Variants in AGBL1 observed in about 807,000 individuals in gnomAD.
The protein encoded by AGBL1 is cytosolic carboxypeptidase 4.
In AGBL1, 130 loss-of-function variants were observed where a neutral mutation model predicts 118.9. The observed-to-expected ratio is 1.09, with a 90% CI of 0.95 to 1.26. The LOEUF (loss-of-function observed/expected upper bound fraction) is 1.26. Among genes scored for constraint, AGBL1 ranks in the 50% most tolerant of loss-of-function variants. The probability of loss-of-function intolerance (pLI) is 0.00; values close to 1 mark genes in which losing one functional copy is unlikely to be tolerated. For synonymous variants in AGBL1, 555 were observed against 478.9 expected (o/e 1.16, Z -2.08); for missense variants, 1,584 against 1,298.1 (o/e 1.22, Z -3.38).
intron 22 of AGBL1, among the ~76,000 whole-genome samples, chr15:86,715,911 TAGTC>T (rs1295005844): frequency 6.6e-6 from 1 of 151,416 alleles, no homozygotes; most frequent in Non-Finnish European, 1.5e-5. Flanking sequence ...TACAAAAAAT[TAGTC>T]AGGCGTGGTG....
At chr15:86,379,249 C>T in intron 17 of AGBL1, among the ~76,000 whole-genome samples, 1 of 136,620 alleles carries the variant, frequency 7.3e-6, no homozygotes, top group Non-Finnish European at 1.6e-5. Context: ...CTCTGACTAC[C>T]TGAAAAAACC....
chr15:86,267,116 C>T (rs567350542), intron 13 of AGBL1, 40 bp downstream of exon 13: 70 of 1,441,648 alleles, frequency 4.9e-5, no homozygotes, highest in Middle Eastern at 3.4e-4. Flanking sequence ...CCTGTCAGTT[C>T]GTAAGAGCAA....
chr15:86,671,186 G>A lies in AGBL1; in HGVS notation c.2995-3087G>A, dbSNP rs150065647. Among the ~76,000 whole-genome samples, 1,215 of 152,166 alleles carry A rather than the reference G, an allele frequency of 8.0e-3. 10 individuals are homozygous for A. Among genetic ancestry groups the A allele is most frequent in the African/African-American group, 0.021 (891 of 41,516 alleles). ...ATATAAGCAAGAGTGTGCTGGTGCC[G>A]TTGTGCCACATTTTCTCTTTCTTTT... On this transcript the variant is annotated intron_variant, in intron 21 of 22. Transcript: ENST00000614907.
chr15:86,633,522 A>G (rs1022319229), intron 21 of AGBL1, among the ~76,000 whole-genome samples: 2 of 152,114 alleles, frequency 1.3e-5, no homozygotes, highest in Non-Finnish European at 2.9e-5. Context: ...GTAAATAAAT[A>G]CTGCTGAAAG....
At chr15:86,535,484 T>C (rs551478068) in intron 19 of AGBL1, among the ~76,000 whole-genome samples, 67 of 152,206 alleles carry the variant, frequency 4.4e-4, no homozygotes, top group Non-Finnish European at 8.4e-4. Context: ...GTTCAAGTAA[T>C]TGGGGCTTCA....
intron 7 of AGBL1, among the ~76,000 whole-genome samples, chr15:86,251,884 A>G (rs746545848): frequency 1.3e-4 from 20 of 152,180 alleles, no homozygotes; most frequent in African/African-American, 4.8e-4. Context: ...CAATTTGGAG[A>G]AATAGGTAAC....
At chr15:86,213,569 A>G (rs765153650) in intron 5 of AGBL1, among the ~76,000 whole-genome samples, 2 of 151,920 alleles carry the variant, frequency 1.3e-5, no homozygotes, top group Non-Finnish European at 2.9e-5. Flanking sequence ...TTTGAAAATC[A>G]CTGGTCTCAG....
At chr15:86,947,683 G>T (rs941221024) in intron 23 of AGBL1, among the ~76,000 whole-genome samples, 6 of 152,198 alleles carry the variant, frequency 3.9e-5, no homozygotes, top group African/African-American at 1.4e-4. Flanking sequence ...CATTGAGTGA[G>T]ATCCAGGGTT....
At chr15:86,493,057 G>T (rs1351782016) in intron 18 of AGBL1, among the ~76,000 whole-genome samples, 1 of 152,110 alleles carries the variant, frequency 6.6e-6, no homozygotes, top group African/African-American at 2.4e-5. Flanking sequence ...AGCTGGGCAT[G>T]GTGGTGCACA....
chr15:86,964,529 G>A (rs925024246), intron 23 of AGBL1, among the ~76,000 whole-genome samples: 2 of 151,894 alleles, frequency 1.3e-5, no homozygotes, highest in Non-Finnish European at 2.9e-5. Context: ...AAGTGAGCAT[G>A]TTACAGTAAA....
chr15:86,993,574 G>A (rs1392621980), intron 24 of AGBL1, among the ~76,000 whole-genome samples: 1 of 152,160 alleles, frequency 6.6e-6, no homozygotes, highest in Non-Finnish European at 1.5e-5. Flanking sequence ...TGGGGTTGGT[G>A]TTCTTCTCAC....
At chr15:86,974,440 A>G (rs1199781288) in intron 23 of AGBL1, among the ~76,000 whole-genome samples, 6 of 128,650 alleles carry the variant, frequency 4.7e-5, no homozygotes, top group Non-Finnish European at 9.6e-5. Flanking sequence ...TTAAATATAA[A>G]CATATTTTAT....
intron 23 of AGBL1, among the ~76,000 whole-genome samples, chr15:86,961,180 G>A (rs752755211): frequency 6.6e-6 from 1 of 151,946 alleles, no homozygotes; most frequent in Non-Finnish European, 1.5e-5. Flanking sequence ...ATACGTATGT[G>A]TTATCAAATC....
At chr15:86,514,724 C>A (rs1336304110) in intron 18 of AGBL1, among the ~76,000 whole-genome samples, 1 of 152,096 alleles carries the variant, frequency 6.6e-6, no homozygotes, top group African/African-American at 2.4e-5. Flanking sequence ...GTTTGTTATA[C>A]CCCATGTCCA....
chr15:86,207,404 G>T (rs2078012643), intron 5 of AGBL1, among the ~76,000 whole-genome samples: 1 of 152,164 alleles, frequency 6.6e-6, no homozygotes, highest in African/African-American at 2.4e-5. Context: ...ACCTTGGGCA[G>T]TATAGCCATT....
At chr15:86,387,531 G>A (rs142920051) in intron 17 of AGBL1, among the ~76,000 whole-genome samples, 5 of 152,282 alleles carry the variant, frequency 3.3e-5, no homozygotes, top group Non-Finnish European at 7.4e-5. Flanking sequence ...GGGGATATAT[G>A]TTTGAGAGAG....
At chr15:86,523,263 C>A (rs1232376150) in intron 19 of AGBL1, among the ~76,000 whole-genome samples, 1 of 152,152 alleles carries the variant, frequency 6.6e-6, no homozygotes, top group East Asian at 1.9e-4. Flanking sequence ...TGGTTGCTAG[C>A]AATCTTTAGC....
intron 22 of AGBL1, among the ~76,000 whole-genome samples, chr15:86,885,297 T>C (rs2079954425): frequency 6.6e-6 from 1 of 152,178 alleles, no homozygotes. Context: ...TAGAACTGAA[T>C]GTGGGATAAA....
intron 1 of AGBL1, among the ~76,000 whole-genome samples, chr15:86,090,322 T>A (rs111259605): frequency 0.011 from 1,731 of 152,314 alleles, 41 homozygotes; most frequent in African/African-American, 0.04. Flanking sequence ...TGTAAAAAAA[T>A]TTAATTAATA....
Sources: gnomAD v4.1 joint callset for allele counts (sites outside exome capture counted in the v4.1 genomes callset) on GRCh38, gnomAD v4.1.1 for gene constraint, MANE v1.5 for transcripts, NCBI Gene and HGNC (gene_info 2026-07-23, HGNC 2026-07-21) for gene names.